The following CCDC18 variants were observed in gnomAD, a reference collection of about 807,000 sequenced individuals.
CCDC18 encodes coiled-coil domain-containing protein 18.
A neutral mutation model predicts 196.0 loss-of-function variants in CCDC18; 157 were observed. That is an observed-to-expected ratio of 0.80 (90% confidence interval 0.70 to 0.91). The LOEUF (loss-of-function observed/expected upper bound fraction) is 0.91. Among genes scored for constraint, CCDC18 ranks in the 40% least tolerant of loss-of-function variants. The pLI, the probability that CCDC18 is intolerant of heterozygous loss-of-function variation, is 0.00. For missense variants in CCDC18, 1,465 were observed against 1,611.6 expected (o/e 0.91, Z 1.56); for synonymous variants, 482 against 529.2 (o/e 0.91, Z 1.22).
intron 25 of CCDC18, among the ~76,000 whole-genome samples, chr1:93,258,096 TTAA>T (rs1438943440): frequency 6.7e-6 from 1 of 149,544 alleles, no homozygotes; most frequent in African/African-American, 2.4e-5. Flanking sequence ...TAAAATTAAA[TTAA>T]TAAAAATTAA....
chr1:93,268,723 G>A (rs1203418533), intron 27 of CCDC18, among the ~76,000 whole-genome samples: 4 of 152,058 alleles, frequency 2.6e-5, no homozygotes, highest in African/African-American at 9.7e-5. Context: ...AAACCACAAT[G>A]AGATACCATC....
intron 23 of CCDC18, among the ~76,000 whole-genome samples, chr1:93,249,110 G>T (rs1661899206): frequency 6.6e-6 from 1 of 152,034 alleles, no homozygotes; most frequent in Admixed American, 6.5e-5. Flanking sequence ...TTTCTTTGAT[G>T]GGCGACTTTT....
At position 93,214,874 on chromosome 1, in the gene CCDC18, A is replaced by G; in HGVS notation, c.1627A>G (p.Lys543Glu). ...AATAGAAGCTGAAAATTCTGATTTG[A>G]AGGTTAACATGGCTCACAGAACTAG... ...IQIEAENSDLKVNMAHRTSQF... is the reference protein window; with the variant it reads ...IQIEAENSDLEVNMAHRTSQF... Residue 543 changes from lysine to glutamate, a missense_variant, in exon 12 of 29, where the codon AAG becomes GAG. Physicochemically the swap from Lys to Glu is moderately conservative, Grantham distance 56. Transcript: ENST00000690025. The G allele has an allele frequency of 6.2e-7, 1 of 1,613,736 alleles. No homozygotes were observed. Among genetic ancestry groups the G allele is most frequent in the Non-Finnish European group, 8.5e-7 (1 of 1,179,776 alleles).
chr1:93,234,062 T>C (rs1001730726), intron 18 of CCDC18, among the ~76,000 whole-genome samples: 6 of 152,238 alleles, frequency 3.9e-5, no homozygotes, highest in Non-Finnish European at 7.3e-5. Flanking sequence ...ACTCTGGTTC[T>C]TGCAGGATTG....
chr1:93,234,859 T>C (rs1021252424), intron 18 of CCDC18, among the ~76,000 whole-genome samples: 2 of 151,480 alleles, frequency 1.3e-5, no homozygotes, highest in African/African-American at 4.9e-5. Context: ...CATGGCTCAG[T>C]GCAGCCTCAA....
chr1:93,228,920 C>T (rs1449195094), intron 17 of CCDC18, among the ~76,000 whole-genome samples: 1 of 151,504 alleles, frequency 6.6e-6, no homozygotes, highest in African/African-American at 2.4e-5. Context: ...ATAAATAGAA[C>T]GATTTTTTTT....
chr1:93,202,635 T>C (rs1654021496), intron 7 of CCDC18, among the ~76,000 whole-genome samples: 1 of 152,050 alleles, frequency 6.6e-6, no homozygotes, highest in African/African-American at 2.4e-5. Flanking sequence ...CCAAGAAAGG[T>C]AGAAAGGCAG....
Position 93,254,635 on chromosome 1 carries a change from TA to T in CCDC18, c.3342+23del, listed in dbSNP as rs775656564. 9 of 1,599,098 alleles carry T rather than the reference TA, an allele frequency of 5.6e-6. 1 individual carries two copies. In the South Asian group the frequency reaches 6.8e-5, roughly 12 times the overall value. The stretch of plus-strand genomic sequence containing the variant: ...AGAGTGTAAGCAAATTATTTCCACC[TA>T]AGGAACAAGTGGTAGTCTCTGTTGA... On this transcript the variant is annotated intron_variant, in intron 24 of 28. Coordinates refer to ENST00000690025, the MANE Select transcript of CCDC18 (RefSeq NM_001378204.1).
At position 93,193,600 on chromosome 1, in the gene CCDC18, A is replaced by G; in HGVS notation, c.570-16A>G. 1.9e-6 allele frequency: 3 copies of G among 1,543,528 alleles called. No individual in the cohort carries two copies. The highest frequency in any genetic ancestry group is 2.6e-6 in the Non-Finnish European group (3 of 1,143,412). On this transcript the variant is annotated splice_polypyrimidine_tract_variant and intron_variant, in intron 5 of 28. Transcript: ENST00000690025. ...TCTCTTTAGTAGTCTTAAACAAAGT[A>G]TCCTTTATTTTATAGAGAGGCAGAA...
chr1:93,207,534 C>T, intron 9 of CCDC18, 136 bp downstream of exon 9: 1 of 635,378 alleles, frequency 1.6e-6, no homozygotes, highest in Non-Finnish European at 2.6e-6. Context: ...TCTCTTCTGT[C>T]TAAATCTCTA....
intron 19 of CCDC18, among the ~76,000 whole-genome samples, chr1:93,237,054 T>TC (rs1430629617): frequency 1.3e-5 from 2 of 152,146 alleles, no homozygotes; most frequent in South Asian, 2.1e-4. Flanking sequence ...AGCCCACCCT[T>TC]CTACCAACAG....
intron 16 of CCDC18, among the ~76,000 whole-genome samples, chr1:93,225,108 G>A (rs1014705015): frequency 1.4e-4 from 21 of 152,106 alleles, no homozygotes; most frequent in African/African-American, 4.1e-4. Context: ...TGTTTTTCTC[G>A]TTTTTTCATC....
At chr1:93,254,417 A>G in intron 23 of CCDC18, 54 bp from the exon 24 acceptor site, 1 of 1,338,074 alleles carries the variant, frequency 7.5e-7, no homozygotes, top group East Asian at 2.4e-5. Flanking sequence ...CACAGCATTG[A>G]TTAAATTACA....
chr1:93,233,440 T>C (rs1265450070), intron 18 of CCDC18, among the ~76,000 whole-genome samples: 2 of 152,212 alleles, frequency 1.3e-5, no homozygotes, highest in South Asian at 2.1e-4. Context: ...TTTACAGTAA[T>C]GTGTAAATTA....
At chr1:93,256,813 T>A (rs1299360290) in intron 25 of CCDC18, among the ~76,000 whole-genome samples, 1 of 152,208 alleles carries the variant, frequency 6.6e-6, no homozygotes, top group East Asian at 1.9e-4. Context: ...GCTAAACTAG[T>A]TCTCAAATTG....
At chr1:93,254,708 A>C (rs1662706041) in intron 24 of CCDC18, 94 bp downstream of exon 24, 1 of 1,156,692 alleles carries the variant, frequency 8.6e-7, no homozygotes, top group African/African-American at 1.6e-5. Context: ...TAATATACAG[A>C]AACTGTGCCA....
intron 27 of CCDC18, among the ~76,000 whole-genome samples, chr1:93,267,375 C>T (rs1664668921): frequency 6.6e-6 from 1 of 152,148 alleles, no homozygotes; most frequent in African/African-American, 2.4e-5. Flanking sequence ...CCTTTGAAAA[C>T]TGGCACAAGA....
Position 93,214,822 on chromosome 1 carries a change from A to C in CCDC18, c.1575A>C (p.Ile525=). ...EKERQRLVTG[I]EELRTKLIQI... The stretch of plus-strand genomic sequence containing the variant: ...AGAGGCAAAGACTTGTTACTGGAAT[A>C]GAAGAACTACGTACTAAGCTGATAC... Residue 525 remains isoleucine (I), a synonymous_variant, in exon 12 of 29, where the codon ATA becomes ATC. Transcript: ENST00000690025. The C allele has an allele frequency of 6.2e-7, 1 of 1,613,626 alleles. No individual in the cohort carries two copies.
Position 93,186,409 on chromosome 1 carries a change from T to C in CCDC18, c.368T>C (p.Leu123Pro). ...AGCCTTCGAGAGAAACTAAATAAAC[T>C]TAGGCAACAGAATGCTTGTTTGGTC... ...IKSLREKLNK[L>P]RQQNACLVTQ... is the part of the protein sequence containing the mutation. Residue 123 changes from leucine (L) to proline (P), a missense_variant, in exon 4 of 29, where the codon CTT becomes CCT. Coordinates refer to ENST00000690025, the MANE Select transcript of CCDC18 (RefSeq NM_001378204.1). The C allele has an allele frequency of 1.2e-6, 2 of 1,612,396 alleles. No individual in the cohort carries two copies. The highest frequency in any genetic ancestry group is 8.5e-7 in the Non-Finnish European group (1 of 1,178,848).
Sources: gnomAD v4.1 joint callset for allele counts (sites outside exome capture counted in the v4.1 genomes callset) on GRCh38, gnomAD v4.1.1 for gene constraint, MANE v1.5 for transcripts, NCBI Gene and HGNC (gene_info 2026-07-23, HGNC 2026-07-21) for gene names.